The following SHISA6 variants were observed in gnomAD, a reference collection of about 807,000 sequenced individuals.
The protein encoded by SHISA6 is protein shisa-6.
SHISA6 carries 22 observed loss-of-function variants against 47.9 expected under a neutral mutation model. The observed-to-expected ratio is 0.46, with a 90% CI of 0.33 to 0.66. The LOEUF is 0.66. Ranked by LOEUF, SHISA6 falls within the 30% of genes least tolerant of loss-of-function variation. The pLI, the probability that SHISA6 is intolerant of heterozygous loss-of-function variation, is 0.02. For missense variants in SHISA6, 680 were observed against 764.6 expected (o/e 0.89, Z 1.30); for synonymous variants, 388 against 337.8 (o/e 1.15, Z -1.63).
chr17:11,457,515 A>C, intron 3 of SHISA6, among the ~76,000 whole-genome samples: 1 of 151,156 alleles, frequency 6.6e-6, no homozygotes, highest in East Asian at 2.0e-4. Context: ...GCAGATCACG[A>C]AGTCAGGAGT....
chr17:11,383,530 G>A lies in SHISA6; in HGVS notation c.895+4021G>A, dbSNP rs149783814. On this transcript the variant is annotated intron_variant, in intron 3 of 5. Transcript: ENST00000441885. ...CCTCTACTGTCTCTCCCACCTGTTG[G>A]TAGAGCCTTCATTTTTGTCTAGAAG... Among the ~76,000 whole-genome samples the A allele has an allele frequency of 8.4e-3, 1,273 of 152,146 alleles. 2 individuals are homozygous for A. Among genetic ancestry groups the A allele is most frequent in the Non-Finnish European group, 0.014 (940 of 68,006 alleles).
intron 3 of SHISA6, among the ~76,000 whole-genome samples, chr17:11,501,076 G>A (rs1483535455): frequency 6.6e-6 from 1 of 151,320 alleles, no homozygotes; most frequent in African/African-American, 2.5e-5. Context: ...GACTTCAGAG[G>A]CCAGGTGCTT....
chr17:11,304,886 G>T (rs1279796019), intron 2 of SHISA6, among the ~76,000 whole-genome samples: 1 of 152,130 alleles, frequency 6.6e-6, no homozygotes, highest in Non-Finnish European at 1.5e-5. Context: ...TGGGCTTCTG[G>T]GTGGCTGGTT....
chr17:11,429,852 T>C (rs2969209), intron 3 of SHISA6, among the ~76,000 whole-genome samples: 1 of 148,060 alleles, frequency 6.8e-6, no homozygotes, highest in Non-Finnish European at 1.5e-5. Flanking sequence ...ATATCCCTCA[T>C]AGGAATTGAA....
rs1229354955 is a variant in SHISA6 at position 11,398,199 on chromosome 17, A to C, written c.895+18690A>C. Reference sequence around the variant, plus strand: ...TTTACATTTTTAACAATAGATTAGTATATGTTTATTCATATTTTTATCCCT... The same window carrying C: ...TTTACATTTTTAACAATAGATTAGTCTATGTTTATTCATATTTTTATCCCT... On this transcript the variant is annotated intron_variant, in intron 3 of 5. Transcript: ENST00000441885. Among the ~76,000 whole-genome samples the C allele has an allele frequency of 2.0e-5, 3 of 152,164 alleles. No individual in the cohort carries two copies. The East Asian group carries it at 5.8e-4, about 29-fold the overall frequency.
At chr17:11,445,897 G>A (rs777277605) in intron 3 of SHISA6, among the ~76,000 whole-genome samples, 4 of 152,088 alleles carry the variant, frequency 2.6e-5, no homozygotes, top group Non-Finnish European at 4.4e-5. Context: ...GTGCAATCTT[G>A]GCTCACTGCA....
At position 11,454,190 on chromosome 17, in the gene SHISA6, A is replaced by C. The variant is rs78567914; in HGVS notation, c.895+74681A>C. On this transcript the variant is annotated intron_variant, in intron 3 of 5. Transcript: ENST00000441885. ...TGTCTCTTCCTACTCCCCATATTCA[A>C]TCTATTTCTGCACATCTTCAAGGTT... is the stretch of plus-strand genomic sequence containing the variant. Among the ~76,000 whole-genome samples the C allele has an allele frequency of 7.0e-4, 106 of 152,158 alleles. No homozygotes were observed. In the East Asian group the frequency reaches 0.018, roughly 25 times the overall value.
chr17:11,368,630 G>GT (rs940735948), intron 2 of SHISA6, among the ~76,000 whole-genome samples: 1 of 151,972 alleles, frequency 6.6e-6, no homozygotes, highest in African/African-American at 2.4e-5. Context: ...AATTGTTGGG[G>GT]TTTTTTGTTT....
intron 2 of SHISA6, among the ~76,000 whole-genome samples, chr17:11,353,394 T>A (rs1911962498): frequency 6.7e-6 from 1 of 150,272 alleles, no homozygotes. Flanking sequence ...GAGGCAGAGG[T>A]TGCAGTGAGC....
In SHISA6 at chr17:11,422,016, G is replaced by A. The variant is rs374267454; in HGVS notation, c.895+42507G>A. Among the ~76,000 whole-genome samples, 24 of 152,248 alleles carry A rather than the reference G, an allele frequency of 1.6e-4. 1 individual carries two copies. The highest frequency in any genetic ancestry group is 3.9e-4 in the East Asian group (2 of 5,176). Reference sequence around the variant, plus strand: ...AGGGGAGAAGAATTATTATGTCAGCGCTTGTCTCCCTTTGGCCAAATTTAT... The same window carrying A: ...AGGGGAGAAGAATTATTATGTCAGCACTTGTCTCCCTTTGGCCAAATTTAT... On this transcript the variant is annotated intron_variant, in intron 3 of 5. Transcript: ENST00000441885.
chr17:11,242,260 T>C (rs1338281053), intron 1 of SHISA6, among the ~76,000 whole-genome samples, 200 bp downstream of exon 1: 4 of 152,174 alleles, frequency 2.6e-5, no homozygotes, highest in African/African-American at 9.7e-5. Flanking sequence ...GAATGCATGC[T>C]TTGGTGGTAG....
intron 3 of SHISA6, among the ~76,000 whole-genome samples, chr17:11,391,914 C>A (rs1409653371): frequency 6.6e-6 from 1 of 152,198 alleles, no homozygotes; most frequent in African/African-American, 2.4e-5. Context: ...TCTTCTGCCA[C>A]TCTGAGTCTT....
intron 5 of SHISA6, among the ~76,000 whole-genome samples, chr17:11,556,683 C>A (rs972650686): frequency 3.3e-5 from 5 of 152,126 alleles, no homozygotes; most frequent in African/African-American, 1.2e-4. Context: ...AACGTGGAGT[C>A]TCTAGCTAGA....
chr17:11,543,920 A>AC (rs1567634944), intron 3 of SHISA6, among the ~76,000 whole-genome samples: 1 of 150,186 alleles, frequency 6.7e-6, no homozygotes, highest in African/African-American at 2.4e-5. Context: ...CAAAAAAAAA[A>AC]AAAAAACAAA....
At chr17:11,534,570 G>GA (rs759828524) in intron 3 of SHISA6, among the ~76,000 whole-genome samples, 11 of 152,168 alleles carry the variant, frequency 7.2e-5, no homozygotes, top group Non-Finnish European at 1.3e-4. Context: ...ACACAATGTA[G>GA]AAAGTGGTAA....
At chr17:11,370,122 T>TA (rs1458629206) in intron 2 of SHISA6, among the ~76,000 whole-genome samples, 1 of 152,024 alleles carries the variant, frequency 6.6e-6, no homozygotes, top group Non-Finnish European at 1.5e-5. Context: ...TGGCAGGGAG[T>TA]AAGCAGAGGG....
At chr17:11,244,169 T>A (rs1379196558) in intron 1 of SHISA6, among the ~76,000 whole-genome samples, 2 of 152,176 alleles carry the variant, frequency 1.3e-5, no homozygotes, top group Admixed American at 1.3e-4. Context: ...GGGAGATGAA[T>A]TTCAGGCCTC....
At position 11,443,477 on chromosome 17, in the gene SHISA6, A is replaced by T. The variant is rs150542960; in HGVS notation, c.895+63968A>T. 3.1e-3 allele frequency among the ~76,000 whole-genome samples: 470 copies of T among 152,306 alleles called. 5 individuals carry two copies. The highest frequency in any genetic ancestry group is 0.011 in the African/African-American group (443 of 41,568). On this transcript the variant is annotated intron_variant, in intron 3 of 5. Coordinates refer to ENST00000441885, the MANE Select transcript of SHISA6 (RefSeq NM_207386.4). The stretch of plus-strand genomic sequence containing the variant: ...AGGGAGTTATCTATTTTGCCCATTG[A>T]AGGGAGTGGAAGGAGGCTAAGATCA...
chr17:11,424,968 C>T (rs1198531014), intron 3 of SHISA6, among the ~76,000 whole-genome samples: 8 of 131,778 alleles, frequency 6.1e-5, no homozygotes, highest in African/African-American at 2.4e-4. Flanking sequence ...GATCGCGCCA[C>T]TGCACTCCAG....
Sources: gnomAD v4.1 joint callset for allele counts (sites outside exome capture counted in the v4.1 genomes callset) on GRCh38, gnomAD v4.1.1 for gene constraint, MANE v1.5 for transcripts, NCBI Gene and HGNC (gene_info 2026-07-23, HGNC 2026-07-21) for gene names.